The following GAS2L3 variants were observed in gnomAD, a reference collection of about 807,000 sequenced individuals.
The protein encoded by GAS2L3 is growth arrest specific 2 like 3.
A neutral mutation model predicts 37.0 loss-of-function variants in GAS2L3; 28 were observed. The observed-to-expected ratio is 0.76, with a 90% confidence interval of 0.56 to 1.04. The LOEUF (loss-of-function observed/expected upper bound fraction) is 1.04, where lower values mean the gene tolerates loss of function less well. GAS2L3 is among the 50% of genes least tolerant of loss of function. The pLI, the probability that GAS2L3 is intolerant of heterozygous loss-of-function variation, is 0.00. For missense variants in GAS2L3, 793 were observed against 817.6 expected (o/e 0.97, Z 0.37); for synonymous variants, 290 against 296.6 (o/e 0.98, Z 0.23).
intron 1 of GAS2L3, among the ~76,000 whole-genome samples, chr12:100,574,946 G>A (rs1955616804): frequency 6.6e-6 from 1 of 151,432 alleles, no homozygotes; most frequent in Non-Finnish European, 1.5e-5. Context: ...TGAACAGTAG[G>A]TGTTTGCTAT....
At chr12:100,598,266 T>C (rs909987909) in intron 3 of GAS2L3, among the ~76,000 whole-genome samples, 3 of 152,178 alleles carry the variant, frequency 2.0e-5, no homozygotes, top group African/African-American at 4.8e-5. Flanking sequence ...TTAGTTTTCA[T>C]GTCTCTTTAG....
In GAS2L3 at chr12:100,626,080, T is replaced by TAA. The variant is rs528058123; in HGVS notation, c.*1191_*1192dup. 3.0e-4 allele frequency: 46 copies of TAA among 152,338 alleles called. No homozygotes were observed. The highest frequency in any genetic ancestry group is 1.1e-3 in the African/African-American group (46 of 41,584). 9.4% of individuals were successfully genotyped at this position (152,338 alleles called of 1,614,324 possible). A position where few individuals can be genotyped will look rare whatever the true frequency, so the allele number is the denominator to read the frequency against. On this transcript the variant is annotated 3_prime_UTR_variant, in exon 10 of 10. Transcript: ENST00000547754. ...GTGATACTTGTAAATAATTTATTTT[T>TAA]AAGGGATGGTGACTTTAAAAATTAT...
Position 100,626,024 on chromosome 12 carries a change from G to A in GAS2L3, c.*1134G>A, listed in dbSNP as rs1426630628. ...AGTCTCTCAAGCATATCCTGATCATGTAATGACTGCATAAACTCCATCAAC... is the reference window on the plus strand; with the variant it reads ...AGTCTCTCAAGCATATCCTGATCATATAATGACTGCATAAACTCCATCAAC... On this transcript the variant is annotated 3_prime_UTR_variant, in exon 10 of 10. Coordinates refer to ENST00000547754, the MANE Select transcript of GAS2L3 (RefSeq NM_174942.3). 6.6e-6 allele frequency: 1 copy of A among 152,162 alleles called. No homozygotes were observed. Among genetic ancestry groups the A allele is most frequent in the African/African-American group, 2.4e-5 (1 of 41,444 alleles). 9.4% of individuals were successfully genotyped at this position (152,162 alleles called of 1,614,324 possible).
In GAS2L3 at chr12:100,612,280, G is replaced by T. The variant is rs1377304709; in HGVS notation, c.445+139G>T. On this transcript the variant is annotated intron_variant, in intron 6 of 9. Coordinates refer to ENST00000547754, the MANE Select transcript of GAS2L3 (RefSeq NM_174942.3). ...AGAAAAATGTATACTTTGAATATAT[G>T]TAGAATTATTGGAGAATCAGATACT... 3 of 685,138 alleles carry T rather than the reference G, an allele frequency of 4.4e-6. No individual in the cohort carries two copies. In the South Asian group the frequency reaches 5.2e-5, roughly 12 times the overall value. 42.4% of individuals were successfully genotyped at this position (685,138 alleles called of 1,614,324 possible).
intron 1 of GAS2L3, chr12:100,579,009 T>C: frequency 1.2e-6 from 1 of 837,490 alleles, no homozygotes; most frequent in Non-Finnish European, 2.1e-6. Context: ...GACCTCAAAG[T>C]CTATTACTTG....
chr12:100,607,892 A>G (rs989194999), intron 5 of GAS2L3, among the ~76,000 whole-genome samples: 1 of 152,090 alleles, frequency 6.6e-6, no homozygotes. Flanking sequence ...AAGGTCACAT[A>G]TCTCTGTTTC....
chr12:100,600,365 A>T lies in GAS2L3; in HGVS notation c.19-17A>T, dbSNP rs200837820. The T allele has an allele frequency of 1.1e-3, 1,517 of 1,421,136 alleles. 1 individual carries two copies. Among genetic ancestry groups the T allele is most frequent in the Non-Finnish European group, 1.4e-3 (1,449 of 1,048,684 alleles). The allele number at this position is 1,421,136 out of a possible 1,614,324, so 88.0% of individuals were successfully genotyped here. On this transcript the variant is annotated splice_polypyrimidine_tract_variant and intron_variant, in intron 3 of 9. Coordinates refer to ENST00000547754, the MANE Select transcript of GAS2L3 (RefSeq NM_174942.3). Reference sequence around the variant, plus strand: ...AAGGTTTTATTCATTCAGTTGATTGATTTTTTTTTTCTTTAGGTATGGTTT... The same window carrying T: ...AAGGTTTTATTCATTCAGTTGATTGTTTTTTTTTTTCTTTAGGTATGGTTT...
rs141589463 is a variant in GAS2L3, at chr12:100,620,623, C to T, written c.649-1652C>T. ...AAACATTTCTCTAAATATATGTGTG[C>T]TATATGAATACATTCATTGTCTACC... On this transcript the variant is annotated intron_variant, in intron 8 of 9. Transcript: ENST00000547754. Among the ~76,000 whole-genome samples the T allele has an allele frequency of 5.5e-3, 830 of 152,022 alleles. 6 individuals are homozygous for T. Among genetic ancestry groups the T allele is most frequent in the African/African-American group, 0.019 (780 of 41,538 alleles).
intron 1 of GAS2L3, among the ~76,000 whole-genome samples, chr12:100,589,788 A>G (rs186462969): frequency 5.8e-4 from 88 of 152,340 alleles, no homozygotes; most frequent in Admixed American, 1.6e-3. Context: ...CAGCCAAATC[A>G]TCTTTGACAA....
At chr12:100,606,708 T>C (rs1462549791) in intron 5 of GAS2L3, among the ~76,000 whole-genome samples, 1 of 152,094 alleles carries the variant, frequency 6.6e-6, no homozygotes, top group Non-Finnish European at 1.5e-5. Flanking sequence ...TATAACCCAT[T>C]ATTTTAAACT....
intron 5 of GAS2L3, among the ~76,000 whole-genome samples, chr12:100,611,652 C>T (rs192073583): frequency 1.2e-3 from 180 of 152,164 alleles, no homozygotes; most frequent in Non-Finnish European, 2.2e-3. Context: ...ACCTAGATCT[C>T]TTGCATGCAC....
chr12:100,608,689 T>A (rs1956088532), intron 5 of GAS2L3, among the ~76,000 whole-genome samples: 1 of 151,912 alleles, frequency 6.6e-6, no homozygotes, highest in South Asian at 2.1e-4. Context: ...GCCCAGCTGA[T>A]TTTTTTTGTA....
intron 6 of GAS2L3, 190 bp downstream of exon 6, chr12:100,612,331 T>G: frequency 1.8e-6 from 1 of 542,454 alleles, no homozygotes. Context: ...ACCTTTTCAC[T>G]TAAAGATTTT....
At position 100,608,667 on chromosome 12, in the gene GAS2L3, G is replaced by A. The variant is rs546467532; in HGVS notation, c.304-3333G>A. ...CTCCCTAGTAGCTGGGACTACAGGC[G>A]CCTGGCACCGTGCCCAGCTGATTTT... is the stretch of plus-strand genomic sequence containing the variant. On this transcript the variant is annotated intron_variant, in intron 5 of 9. Coordinates refer to ENST00000547754, the MANE Select transcript of GAS2L3 (RefSeq NM_174942.3). Among the ~76,000 whole-genome samples the A allele has an allele frequency of 4.7e-3, 708 of 152,168 alleles. 6 individuals carry two copies. Among genetic ancestry groups the A allele is most frequent in the Middle Eastern group, 0.01 (3 of 294 alleles).
At chr12:100,582,619 C>G (rs1396640052) in intron 1 of GAS2L3, among the ~76,000 whole-genome samples, 1 of 152,126 alleles carries the variant, frequency 6.6e-6, no homozygotes, top group African/African-American at 2.4e-5. Context: ...TTGCCCATGA[C>G]AAACTGATTT....
chr12:100,599,867 T>C (rs1189372472), intron 3 of GAS2L3, among the ~76,000 whole-genome samples: 4 of 152,206 alleles, frequency 2.6e-5, no homozygotes, highest in Non-Finnish European at 4.4e-5. Flanking sequence ...CCCTCTTGGC[T>C]CAATAGTAGA....
rs562894162 is a variant in GAS2L3, at chr12:100,611,015, C to G, written c.304-985C>G. 1.9e-3 allele frequency: 276 copies of G among 143,740 alleles called. 2 individuals carry two copies. The highest frequency in any genetic ancestry group is 6.5e-3 in the African/African-American group (249 of 38,338). 8.9% of individuals were successfully genotyped at this position (143,740 alleles called of 1,614,324 possible). On this transcript the variant is annotated intron_variant, in intron 5 of 9. Transcript: ENST00000547754. ...TTTTTTTTTTTTTTTGAGAAAGAGT[C>G]TTGCTCTGTTGCCCAGGTTGGAGTA...
In GAS2L3 at chr12:100,618,335, A is replaced by G. The variant is rs148952365; in HGVS notation, c.510-114A>G. 201 of 1,029,876 alleles carry G rather than the reference A, an allele frequency of 2.0e-4. 1 individual carries two copies. The African/African-American group carries it at 2.6e-3, about 13-fold the overall frequency. The allele number at this position is 1,029,876 out of a possible 1,614,324, so 63.8% of individuals were successfully genotyped here. A position where few individuals can be genotyped will look rare whatever the true frequency, so the allele number is the denominator to read the frequency against. On this transcript the variant is annotated intron_variant, in intron 7 of 9. Coordinates refer to ENST00000547754, the MANE Select transcript of GAS2L3 (RefSeq NM_174942.3). ...CATTTTCAAATATCCCAGTGAAACAATTGGTAGAAGAGGATCATATAGACT... is the reference window on the plus strand; with the variant it reads ...CATTTTCAAATATCCCAGTGAAACAGTTGGTAGAAGAGGATCATATAGACT...
chr12:100,592,000 A>C (rs1955852380), intron 2 of GAS2L3, 144 bp downstream of exon 2: 1 of 152,196 alleles, frequency 6.6e-6, no homozygotes, highest in Admixed American at 6.6e-5. Context: ...TAAATCAGAA[A>C]GGATGTTTTC....
Sources: allele counts gnomAD v4.1 joint callset (sites outside exome capture counted in the v4.1 genomes callset), GRCh38; gene constraint gnomAD v4.1.1; transcripts MANE v1.5; gene names NCBI Gene and HGNC (gene_info 2026-07-23, HGNC 2026-07-21).